Variants in AGBL1 observed in about 807,000 individuals in gnomAD.
AGBL1 encodes the protein AGBL carboxypeptidase 1.
AGBL1 carries 130 observed loss-of-function variants against 118.9 expected under a neutral mutation model. That is an observed-to-expected ratio of 1.09 (90% CI 0.95 to 1.26). AGBL1 has a LOEUF of 1.26. Ranked by LOEUF, AGBL1 falls within the 50% of genes most tolerant of loss-of-function variation. The probability of loss-of-function intolerance (pLI) is 0.00; values close to 1 mark genes in which losing one functional copy is unlikely to be tolerated. For missense variants in AGBL1, 1,584 were observed against 1,298.1 expected, an observed-to-expected ratio of 1.22 and a Z score of -3.38; for synonymous variants, 555 against 478.9, an observed-to-expected ratio of 1.16 and a Z score of -2.08.
At chr15:86,999,552 G>A (rs1030251076) in intron 24 of AGBL1, among the ~76,000 whole-genome samples, 6 of 148,156 alleles carry the variant, frequency 4.0e-5, no homozygotes, top group Admixed American at 4.0e-4. Context: ...CAAAGGACAT[G>A]AACTCATCAT....
At chr15:86,977,257 A>G (rs924698259) in intron 23 of AGBL1, among the ~76,000 whole-genome samples, 2 of 151,952 alleles carry the variant, frequency 1.3e-5, no homozygotes, top group Non-Finnish European at 2.9e-5. Flanking sequence ...CAAATCTTAT[A>G]TATATTTGAC....
intron 5 of AGBL1, among the ~76,000 whole-genome samples, chr15:86,182,047 A>G (rs1398663198): frequency 6.6e-6 from 1 of 152,034 alleles, no homozygotes; most frequent in Non-Finnish European, 1.5e-5. Flanking sequence ...GGAAGTGAAT[A>G]AAATAGAGAA....
chr15:86,220,019 T>A (rs561707438), intron 5 of AGBL1, among the ~76,000 whole-genome samples: 1 of 143,596 alleles, frequency 7.0e-6, no homozygotes, highest in East Asian at 2.3e-4. Flanking sequence ...TGGCACAATC[T>A]TGGTTCACTG....
chr15:86,532,386 A>C (rs2083362836), intron 19 of AGBL1, among the ~76,000 whole-genome samples: 2 of 146,752 alleles, frequency 1.4e-5, no homozygotes, highest in African/African-American at 5.1e-5. Context: ...TAAAATACCT[A>C]GGAATCCAAC....
chr15:86,112,533 C>T (rs1303689658), intron 1 of AGBL1, among the ~76,000 whole-genome samples: 2 of 152,304 alleles, frequency 1.3e-5, no homozygotes, highest in African/African-American at 2.4e-5. Flanking sequence ...CAATTTTTCA[C>T]GATTAGCAAC....
At chr15:86,854,822 C>T (rs1015924026) in intron 22 of AGBL1, among the ~76,000 whole-genome samples, 1 of 152,202 alleles carries the variant, frequency 6.6e-6, no homozygotes, top group East Asian at 1.9e-4. Context: ...TTCCGCCTAG[C>T]AGCTCAAAGA....
intron 22 of AGBL1, among the ~76,000 whole-genome samples, chr15:86,817,600 G>C (rs2141380242): frequency 7.4e-6 from 1 of 135,194 alleles, no homozygotes; most frequent in East Asian, 2.2e-4. Flanking sequence ...ACACAGAGGA[G>C]AGAGAGAGAG....
At chr15:86,346,706 C>T (rs2080543526) in intron 17 of AGBL1, among the ~76,000 whole-genome samples, 1 of 152,186 alleles carries the variant, frequency 6.6e-6, no homozygotes, top group Admixed American at 6.5e-5. Flanking sequence ...TGAATAGCAG[C>T]ACTGCTGACC....
At chr15:86,115,168 G>A (rs1897676875) in intron 1 of AGBL1, among the ~76,000 whole-genome samples, 1 of 152,220 alleles carries the variant, frequency 6.6e-6, no homozygotes, top group Non-Finnish European at 1.5e-5. Flanking sequence ...CTTGAAGGAT[G>A]TTTGAGCCAT....
intron 18 of AGBL1, among the ~76,000 whole-genome samples, chr15:86,416,746 T>C (rs1478216672): frequency 1.3e-5 from 2 of 152,174 alleles, no homozygotes; most frequent in Non-Finnish European, 2.9e-5. Flanking sequence ...TTTAAAGCCA[T>C]TGAATAACAT....
intron 22 of AGBL1, among the ~76,000 whole-genome samples, chr15:86,870,806 T>G (rs542110504): frequency 1.3e-5 from 2 of 152,348 alleles, no homozygotes; most frequent in South Asian, 4.1e-4. Flanking sequence ...ATACATCATA[T>G]GTACTGAGAT....
chr15:86,110,002 T>C (rs1897267119), intron 1 of AGBL1: 1 of 152,238 alleles, frequency 6.6e-6, no homozygotes, highest in Non-Finnish European at 1.5e-5. Context: ...AACAGGAATC[T>C]TAATTGTAGT....
At position 86,575,821 on chromosome 15, in the gene AGBL1, T is replaced by A. The variant is rs182377734; in HGVS notation, c.2994+21284T>A. Among the ~76,000 whole-genome samples, 322 of 152,220 alleles carry A rather than the reference T, an allele frequency of 2.1e-3. 1 individual carries two copies. The highest frequency in any genetic ancestry group is 6.5e-3 in the African/African-American group (272 of 41,546). ...TATGTTGCCTAGGCTGATCTCAAAC[T>A]CTTCAGCTCAAGCAGTCCTCCCACC... On this transcript the variant is annotated intron_variant, in intron 21 of 22. Coordinates refer to ENST00000614907, the MANE Select transcript of AGBL1 (RefSeq NM_001386094.1).
At chr15:86,188,282 CT>C (rs2077664268) in intron 5 of AGBL1, among the ~76,000 whole-genome samples, 1 of 152,094 alleles carries the variant, frequency 6.6e-6, no homozygotes, top group Admixed American at 6.6e-5. Context: ...AATGATCATG[CT>C]TTCTTTAGTA....
At chr15:86,125,045 T>C (rs192653753) in intron 1 of AGBL1, among the ~76,000 whole-genome samples, 6 of 152,336 alleles carry the variant, frequency 3.9e-5, no homozygotes, top group Non-Finnish European at 7.4e-5. Flanking sequence ...GGCTCTCTGC[T>C]TGTGCTTGTC....
Position 86,295,336 on chromosome 15 carries a change from G to T in AGBL1, c.2302G>T (p.Gly768Trp). Residue 768 changes from glycine (G) to tryptophan (W), a missense_variant, in exon 17 of 23, where the codon GGG becomes TGG. Coordinates refer to ENST00000614907, the MANE Select transcript of AGBL1 (RefSeq NM_001386094.1). The part of the protein sequence containing the change: ...RQDVLCQTLG[G>W]NPCPLVTITA... The stretch of plus-strand genomic sequence containing the variant: ...AGATGTTCTCTGCCAGACGCTGGGA[G>T]GGAATCCGTGTCCCTTGGTGACCAT... The T allele has an allele frequency of 6.2e-7, 1 of 1,613,328 alleles. No homozygotes were observed. Among genetic ancestry groups the T allele is most frequent in the Non-Finnish European group, 8.5e-7 (1 of 1,179,534 alleles).
At chr15:86,867,874 A>G (rs1270201702) in intron 22 of AGBL1, among the ~76,000 whole-genome samples, 3 of 152,206 alleles carry the variant, frequency 2.0e-5, no homozygotes, top group Non-Finnish European at 4.4e-5. Context: ...AAGTTTATCC[A>G]TGGCCGTCCA....
At chr15:86,998,361 G>C (rs2081399223) in intron 24 of AGBL1, among the ~76,000 whole-genome samples, 1 of 152,150 alleles carries the variant, frequency 6.6e-6, no homozygotes, top group African/African-American at 2.4e-5. Context: ...GAGGGCAGCT[G>C]CTGGCCAGCA....
intron 22 of AGBL1, among the ~76,000 whole-genome samples, chr15:86,718,118 A>T (rs553211908): frequency 3.9e-5 from 6 of 152,246 alleles, no homozygotes; most frequent in African/African-American, 1.4e-4. Context: ...AGGAGAAAAA[A>T]TATTATTAAT....
Sources: gnomAD v4.1 joint callset for allele counts (sites outside exome capture counted in the v4.1 genomes callset) on GRCh38, gnomAD v4.1.1 for gene constraint, MANE v1.5 for transcripts, NCBI Gene and HGNC (gene_info 2026-07-23, HGNC 2026-07-21) for gene names.